Variants in MAP3K5 observed in about 807,000 individuals in gnomAD.
MAP3K5 encodes mitogen-activated protein kinase kinase kinase 5, also known as ASK-1.
Under a neutral mutation model 158.7 loss-of-function variants are expected in MAP3K5, and 56 were observed. The observed-to-expected ratio is 0.35, with a 90% CI of 0.28 to 0.44. The LOEUF is 0.44. Among genes scored for constraint, MAP3K5 ranks in the 20% least tolerant of loss-of-function variants. MAP3K5 has a pLI of 1.00. For synonymous variants in MAP3K5, 579 were observed against 601.7 expected, an observed-to-expected ratio of 0.96 and a Z score of 0.55; for missense variants, 1,294 against 1,674.8, an observed-to-expected ratio of 0.77 and a Z score of 3.97.
At chr6:136,681,399 T>G (rs182042339) in intron 7 of MAP3K5, among the ~76,000 whole-genome samples, 188 of 152,286 alleles carry the variant, frequency 1.2e-3, no homozygotes, top group Middle Eastern at 0.01. Context: ...TCTGGAAGGC[T>G]GAGGAAGGAG....
Position 136,730,156 on chromosome 6 carries a change from T to G in MAP3K5, c.449-9567A>C, listed in dbSNP as rs563877650. 3.6e-5 allele frequency among the ~76,000 whole-genome samples: 5 copies of G among 139,256 alleles called. No individual in the cohort carries two copies. In the East Asian group the frequency reaches 5.9e-4, roughly 16 times the overall value. The allele number at this position is 139,256 out of a possible 152,430, so 91.4% of individuals were successfully genotyped here. Reference sequence around the variant, plus strand: ...CCTGTTTTTTTGTTGTTTGGTTGTTTTTTTTTTTTTGTTTTTTGTTTTTGT... The same window carrying G: ...CCTGTTTTTTTGTTGTTTGGTTGTTGTTTTTTTTTTGTTTTTTGTTTTTGT... On this transcript the variant is annotated intron_variant, in intron 1 of 29. Coordinates refer to ENST00000359015, the MANE Select transcript of MAP3K5 (RefSeq NM_005923.4).
intron 1 of MAP3K5, 112 bp from the exon 2 acceptor site, chr6:136,720,701 G>T: frequency 1.3e-6 from 1 of 742,280 alleles, no homozygotes; most frequent in Non-Finnish European, 2.1e-6. Flanking sequence ...GAAACGATAG[G>T]GATTTTCTCT....
chr6:136,643,321 AAT>A (rs75755591), intron 11 of MAP3K5, among the ~76,000 whole-genome samples: 13,450 of 152,320 alleles, frequency 0.088, 805 homozygotes, highest in East Asian at 0.2. Flanking sequence ...TCCCTTTAAA[AAT>A]ATGTCAACAG....
chr6:136,605,770 G>C (rs1467034394), intron 18 of MAP3K5, among the ~76,000 whole-genome samples: 1 of 152,216 alleles, frequency 6.6e-6, no homozygotes, highest in Non-Finnish European at 1.5e-5. Flanking sequence ...TTTTCCAGAA[G>C]AGAATATAGT....
At chr6:136,768,928 A>G (rs1235326402) in intron 1 of MAP3K5, among the ~76,000 whole-genome samples, 2 of 152,068 alleles carry the variant, frequency 1.3e-5, no homozygotes, top group Non-Finnish European at 2.9e-5. Context: ...AAAAAAAAAA[A>G]AGAAAGAAAA....
intron 23 of MAP3K5, among the ~76,000 whole-genome samples, chr6:136,585,105 G>GTT (rs201284954): frequency 4.0e-4 from 42 of 104,938 alleles, no homozygotes; most frequent in Admixed American, 1.4e-3. Context: ...TTTTCTTTTT[G>GTT]TTTTTTTTTT....
intron 19 of MAP3K5, among the ~76,000 whole-genome samples, chr6:136,603,640 C>G (rs778958008): frequency 2.0e-5 from 3 of 152,160 alleles, no homozygotes; most frequent in Non-Finnish European, 4.4e-5. Flanking sequence ...TCTAAGATAG[C>G]AACTTCCTGT....
At chr6:136,642,855 T>C (rs1003766038) in intron 11 of MAP3K5, among the ~76,000 whole-genome samples, 1 of 152,202 alleles carries the variant, frequency 6.6e-6, no homozygotes, top group Non-Finnish European at 1.5e-5. Context: ...ATAACTGTTG[T>C]GTGTTAATTT....
At chr6:136,675,907 C>T (rs1426678773) in intron 7 of MAP3K5, among the ~76,000 whole-genome samples, 1 of 152,006 alleles carries the variant, frequency 6.6e-6, no homozygotes, top group Admixed American at 6.5e-5. Flanking sequence ...GCTAAGCCCT[C>T]ATAAACAAAA....
intron 15 of MAP3K5, among the ~76,000 whole-genome samples, chr6:136,621,004 G>C (rs767999537): frequency 1.3e-5 from 2 of 152,144 alleles, no homozygotes; most frequent in Non-Finnish European, 2.9e-5. Context: ...ATTTCTTCAA[G>C]CATAGGTTGG....
At chr6:136,672,770 A>G (rs1333792672) in intron 7 of MAP3K5, among the ~76,000 whole-genome samples, 1 of 152,102 alleles carries the variant, frequency 6.6e-6, no homozygotes, top group Non-Finnish European at 1.5e-5. Context: ...TAGGCGGATC[A>G]CTTGAGGTCA....
At chr6:136,564,466 G>A (rs1176728801) in intron 26 of MAP3K5, among the ~76,000 whole-genome samples, 1 of 152,192 alleles carries the variant, frequency 6.6e-6, no homozygotes, top group African/African-American at 2.4e-5. Flanking sequence ...GGTCTTGGAG[G>A]GAGGCTTCTT....
chr6:136,708,638 G>C (rs558428205), intron 2 of MAP3K5, among the ~76,000 whole-genome samples: 9 of 152,218 alleles, frequency 5.9e-5, no homozygotes, highest in African/African-American at 2.2e-4. Flanking sequence ...TTAGTCAATG[G>C]GGGTGCTCCA....
At chr6:136,756,918 T>G (rs1316427812) in intron 1 of MAP3K5, among the ~76,000 whole-genome samples, 4 of 152,194 alleles carry the variant, frequency 2.6e-5, no homozygotes, top group Non-Finnish European at 5.9e-5. Context: ...AAGAGACACT[T>G]TCTCAAGTGT....
chr6:136,740,838 A>C (rs1156257987), intron 1 of MAP3K5, among the ~76,000 whole-genome samples: 1 of 152,206 alleles, frequency 6.6e-6, no homozygotes, highest in African/African-American at 2.4e-5. Context: ...AAGGAGCTTG[A>C]GTGCTAAATT....
chr6:136,631,111 A>G (rs1036692131), intron 14 of MAP3K5, among the ~76,000 whole-genome samples: 6 of 152,310 alleles, frequency 3.9e-5, no homozygotes, highest in Non-Finnish European at 7.3e-5. Flanking sequence ...AAATAAAACA[A>G]AACAAAAGAA....
chr6:136,699,825 G>GGCTC (rs1365451281), intron 3 of MAP3K5, among the ~76,000 whole-genome samples: 1 of 152,236 alleles, frequency 6.6e-6, no homozygotes, highest in Non-Finnish European at 1.5e-5. Flanking sequence ...TGAGTGTGAT[G>GGCTC]GCTCACGCCT....
chr6:136,749,838 G>A (rs1022212145), intron 1 of MAP3K5, among the ~76,000 whole-genome samples: 1 of 152,112 alleles, frequency 6.6e-6, no homozygotes, highest in African/African-American at 2.4e-5. Flanking sequence ...GCATATGGAG[G>A]AACCTGGGGC....
intron 1 of MAP3K5, among the ~76,000 whole-genome samples, chr6:136,752,855 G>A (rs527487056): frequency 3.0e-4 from 46 of 152,150 alleles, no homozygotes; most frequent in Non-Finnish European, 5.9e-4. Flanking sequence ...AAGAGAAAGG[G>A]GTCAGGCTGC....
Sources: allele counts gnomAD v4.1 joint callset (sites outside exome capture counted in the v4.1 genomes callset), GRCh38; gene constraint gnomAD v4.1.1; transcripts MANE v1.5; gene names NCBI Gene and HGNC (gene_info 2026-07-23, HGNC 2026-07-21).